The following KIF26A variants were observed in gnomAD, a reference collection of about 807,000 sequenced individuals.
KIF26A encodes the protein kinesin family member 26A, also known as kinesin-like protein KIF26A.
Under a neutral mutation model 126.0 loss-of-function variants are expected in KIF26A, and 74 were observed. The ratio of observed to expected loss-of-function variants is 0.59; its 90% confidence interval spans 0.49 to 0.71. The LOEUF (loss-of-function observed/expected upper bound fraction) is 0.71. Among genes scored for constraint, KIF26A ranks in the 30% least tolerant of loss-of-function variants. KIF26A has a pLI of 0.00. For missense variants in KIF26A, 2,984 were observed against 2,763.3 expected (o/e 1.08, Z -1.79); for synonymous variants, 1,445 against 1,232.7 (o/e 1.17, Z -3.61).
chr14:104,171,631 C>G (rs2037957684), intron 5 of KIF26A, 92 bp from the exon 6 acceptor site: 1 of 1,124,418 alleles, frequency 8.9e-7, no homozygotes, highest in Non-Finnish European at 1.3e-6. Context: ...GCCTGGCCCG[C>G]TGTCCCCACC....
At position 104,176,958 on chromosome 14, in the gene KIF26A, C is replaced by A. The variant is rs562461621; in HGVS notation, c.4170C>A (p.Val1390=). The A allele has an allele frequency of 6.5e-7, 1 of 1,534,982 alleles. No individual in the cohort carries two copies. Among genetic ancestry groups the A allele is most frequent in the East Asian group, 2.4e-5 (1 of 40,864 alleles). The stretch of plus-strand genomic sequence containing the variant: ...CGCATGCTGTGAACCCGGCGCGGGT[C>A]GGGGCTGCTGCTGTCCTTCGAGGGG... The part of the protein sequence containing the change: ...APPHAVNPAR[V]GAAAVLRGEE... Residue 1390 remains valine, a synonymous_variant, in exon 12 of 15, where the codon GTC becomes GTA. Coordinates refer to ENST00000423312, the MANE Select transcript of KIF26A (RefSeq NM_015656.2).
chr14:104,169,990 C>G (rs973895102), intron 5 of KIF26A, among the ~76,000 whole-genome samples: 1 of 152,156 alleles, frequency 6.6e-6, no homozygotes, highest in African/African-American at 2.4e-5. Context: ...GGCGGTGCCC[C>G]CACTGTGGGC....
chr14:104,179,151 G>A, intron 13 of KIF26A, 85 bp from the exon 14 acceptor site: 1 of 1,356,448 alleles, frequency 7.4e-7, no homozygotes, highest in Non-Finnish European at 9.5e-7. Flanking sequence ...GGCAGGTGAA[G>A]GGAGGCGGGG....
Position 104,179,293 on chromosome 14 carries a change from C to T in KIF26A, c.5374C>T (p.Arg1792Trp), listed in dbSNP as rs537612423. 1.6e-4 allele frequency: 249 copies of T among 1,534,908 alleles called. No homozygotes were observed. The highest frequency in any genetic ancestry group is 2.0e-4 in the Non-Finnish European group (234 of 1,144,468). The change falls in exon 14 of 15, where the codon CGG becomes TGG. Residue 1792 changes from arginine (R) to tryptophan (W), a missense_variant. Coordinates refer to ENST00000423312, the MANE Select transcript of KIF26A (RefSeq NM_015656.2). ...RLAERRQQRL[R>W]EVQAKHKHLC... ...GGCGGAGCGCAGGCAGCAGCGGCTGCGGGAGGTGCAGGCCAAGCACAAGCA... is the reference window on the plus strand; with the variant it reads ...GGCGGAGCGCAGGCAGCAGCGGCTGTGGGAGGTGCAGGCCAAGCACAAGCA...
Position 104,172,588 on chromosome 14 carries a change from C to T in KIF26A, c.1340C>T (p.Ser447Leu), listed in dbSNP as rs200554843. ...TTGCCCCCCTAGGCCGAAGTCTGCT[C>T]GGGGACCGTGGCCGACGTGCTCCAG... is the stretch of plus-strand genomic sequence containing the variant. ...PQDSEQAEVCSGTVADVLQSV... is the reference protein window; with the variant it reads ...PQDSEQAEVCLGTVADVLQSV... Residue 447 changes from serine to leucine, a missense_variant, in exon 7 of 15, where the codon TCG (serine) becomes TTG (leucine). Ser to Leu is a moderately radical substitution (Grantham distance 145, BLOSUM62 -2). Transcript: ENST00000423312. 1.2e-5 allele frequency: 19 copies of T among 1,612,788 alleles called. No homozygotes were observed. Among genetic ancestry groups the T allele is most frequent in the Middle Eastern group, 1.6e-4 (1 of 6,062 alleles).
At chr14:104,174,000 C>T (rs2037988633) in intron 10 of KIF26A, 132 bp downstream of exon 10, 5 of 1,398,688 alleles carry the variant, frequency 3.6e-6, no homozygotes, top group Non-Finnish European at 4.7e-6. Flanking sequence ...CCTGACAGGC[C>T]TCGCTGCCCG....
At chr14:104,174,035 G>A (rs2037989086) in intron 10 of KIF26A, 113 bp from the exon 11 acceptor site, 2 of 1,408,980 alleles carry the variant, frequency 1.4e-6, no homozygotes, top group Admixed American at 2.8e-5. Flanking sequence ...CCCCACGCTG[G>A]GCTGGTGCCG....
chr14:104,177,073 G>T lies in KIF26A; in HGVS notation c.4285G>T (p.Ala1429Ser). 1.3e-6 allele frequency: 2 copies of T among 1,593,948 alleles called. No individual in the cohort carries two copies. The highest frequency in any genetic ancestry group is 1.7e-6 in the Non-Finnish European group (2 of 1,178,032). Residue 1429 changes from alanine to serine, a missense_variant, in exon 12 of 15, where the codon GCA becomes TCA. Transcript: ENST00000423312. ...LKARASKVEA[A>S]HRLAGHASLE... ...GGCCCGGGCCAGCAAGGTAGAAGCA[G>T]CACACCGTCTTGCCGGACACGCGTC...
chr14:104,165,567 CTG>C (rs2037884512), intron 4 of KIF26A, among the ~76,000 whole-genome samples: 1 of 143,182 alleles, frequency 7.0e-6, no homozygotes, highest in Non-Finnish European at 1.5e-5. Flanking sequence ...CTGTGTGTTT[CTG>C]TATGCATGTG....
Position 104,176,067 on chromosome 14 carries a change from G to A in KIF26A, c.3279G>A (p.Gly1093=), listed in dbSNP as rs2038021349. ...CCTACACCTCTCAGGCCCCTGAGGGGGGGCCCCTGGAGGGGGCAGCCTGGG... is the reference window on the plus strand; with the variant it reads ...CCTACACCTCTCAGGCCCCTGAGGGAGGGCCCCTGGAGGGGGCAGCCTGGG... ...FDAYTSQAPE[G]GPLEGAAWAG... Residue 1093 remains glycine (G), a synonymous_variant, in exon 12 of 15, where the codon GGG becomes GGA. Transcript: ENST00000423312. The A allele has an allele frequency of 1.9e-6, 3 of 1,596,564 alleles. No homozygotes were observed. Among genetic ancestry groups the A allele is most frequent in the Admixed American group, 1.7e-5 (1 of 58,688 alleles).
chr14:104,175,372 G>A lies in KIF26A; in HGVS notation c.2584G>A (p.Gly862Ser), dbSNP rs747557004. Residue 862 changes from glycine (G) to serine (S), a missense_variant, in exon 12 of 15, where the codon GGT (glycine) becomes AGT (serine). Transcript: ENST00000423312. ...CAACGAGGGTCCCTCAGGAGGTCCA[G>A]GTGGCACCGACGGAGCTCAGGCCAG... ...DGNEGPSGGP[G>S]GTDGAQASPA... 1.2e-5 allele frequency: 19 copies of A among 1,600,270 alleles called. No individual in the cohort carries two copies. In the African/African-American group the frequency reaches 1.3e-4, roughly 11 times the overall value.
intron 2 of KIF26A, among the ~76,000 whole-genome samples, chr14:104,141,335 T>G (rs893389101): frequency 2.6e-5 from 4 of 152,246 alleles, no homozygotes; most frequent in African/African-American, 9.6e-5. Flanking sequence ...GGGGCCCGTT[T>G]CGTATTTTTT....
Position 104,166,967 on chromosome 14 carries a change from G to A in KIF26A, c.1032G>A (p.Leu344=), listed in dbSNP as rs549723739. Reference sequence around the variant, plus strand: ...ACCCCACCGACTTCAGCGGGGTCCTGCAGCTGTGGCCGCCCCCGGCGCCCC... The same window carrying A: ...ACCCCACCGACTTCAGCGGGGTCCTACAGCTGTGGCCGCCCCCGGCGCCCC... The part of the protein sequence containing the change: ...STYPTDFSGV[L]QLWPPPAPPC... The change falls in exon 5 of 15, where the codon CTG becomes CTA. Residue 344 remains leucine, a synonymous_variant. Coordinates refer to ENST00000423312, the MANE Select transcript of KIF26A (RefSeq NM_015656.2). 6.3e-7 allele frequency: 1 copy of A among 1,588,998 alleles called. No individual in the cohort carries two copies. The highest frequency in any genetic ancestry group is 1.3e-5 in the African/African-American group (1 of 74,530).
At chr14:104,161,388 T>C (rs934035741) in intron 4 of KIF26A, among the ~76,000 whole-genome samples, 2 of 152,216 alleles carry the variant, frequency 1.3e-5, no homozygotes, top group African/African-American at 4.8e-5. Context: ...AAGTGATTCC[T>C]GCACGCGACA....
chr14:104,138,961 C>A, intron 1 of KIF26A, 82 bp from the exon 2 acceptor site: 6 of 1,304,318 alleles, frequency 4.6e-6, no homozygotes, highest in Non-Finnish European at 5.8e-6. Flanking sequence ...GCAAGAGCGT[C>A]ACGCTGGGGC....
Position 104,176,946 on chromosome 14 carries a change from C to A in KIF26A, c.4158C>A (p.Asn1386Lys). The A allele has an allele frequency of 6.5e-7, 1 of 1,535,498 alleles. No homozygotes were observed. The change falls in exon 12 of 15, where the codon AAC (asparagine) becomes AAA (lysine). Residue 1386 changes from asparagine to lysine, a missense_variant. Coordinates refer to ENST00000423312, the MANE Select transcript of KIF26A (RefSeq NM_015656.2). ...SPASAPPHAV[N>K]PARVGAAAVL... is the part of the protein sequence containing the mutation. ...CCTCGGCCCCTCCGCATGCTGTGAA[C>A]CCGGCGCGGGTCGGGGCTGCTGCTG...
chr14:104,138,744 C>G lies in KIF26A; in HGVS notation c.22C>G (p.Leu8Val), dbSNP rs2037607482. ...GGCCATGGTCGGCCGCGGCGTCCCTCTGTGCGCTGCGCAGCCCGCGGTACG... is the reference window on the plus strand; with the variant it reads ...GGCCATGGTCGGCCGCGGCGTCCCTGTGTGCGCTGCGCAGCCCGCGGTACG... Reference protein sequence around the residue: MVGRGVPLCAAQPAVAEG... With the variant: MVGRGVPVCAAQPAVAEG... The change falls in exon 1 of 15, where the codon CTG (leucine) becomes GTG (valine). Residue 8 changes from leucine to valine, a missense_variant. Coordinates refer to ENST00000423312, the MANE Select transcript of KIF26A (RefSeq NM_015656.2). The G allele has an allele frequency of 7.9e-7, 1 of 1,271,054 alleles. No individual in the cohort carries two copies. Among genetic ancestry groups the G allele is most frequent in the Non-Finnish European group, 9.9e-7 (1 of 1,011,194 alleles). 78.7% of individuals were successfully genotyped at this position (1,271,054 alleles called of 1,614,324 possible).
In KIF26A at chr14:104,177,669, C is replaced by T. The variant is rs764528063; in HGVS notation, c.4881C>T (p.Ser1627=). 243 of 1,528,920 alleles carry T rather than the reference C, an allele frequency of 1.6e-4. No individual in the cohort carries two copies. Among genetic ancestry groups the T allele is most frequent in the Middle Eastern group, 3.5e-4 (2 of 5,786 alleles). The allele number at this position is 1,528,920 out of a possible 1,614,324, so 94.7% of individuals were successfully genotyped here. Residue 1627 remains serine (S), a synonymous_variant, in exon 12 of 15, where the codon AGC becomes AGT. Coordinates refer to ENST00000423312, the MANE Select transcript of KIF26A (RefSeq NM_015656.2). The part of the protein sequence containing the change: ...TAPRRPQRYS[S]GHGSDNSSVL... ...CACGGCGGCCCCAGCGCTACAGCAG[C>T]GGCCATGGCAGCGACAACAGCAGCG... is the stretch of plus-strand genomic sequence containing the variant.
At chr14:104,163,996 T>C (rs2037857128) in intron 4 of KIF26A, among the ~76,000 whole-genome samples, 1 of 152,158 alleles carries the variant, frequency 6.6e-6, no homozygotes, top group Non-Finnish European at 1.5e-5. Context: ...CGCCCACCAC[T>C]GCCCTACTAA....
Sources: gnomAD v4.1 joint callset for allele counts (sites outside exome capture counted in the v4.1 genomes callset) on GRCh38, gnomAD v4.1.1 for gene constraint, MANE v1.5 for transcripts, NCBI Gene and HGNC (gene_info 2026-07-23, HGNC 2026-07-21) for gene names.